The following PLXNA4 variants were observed in gnomAD, a reference collection of about 807,000 sequenced individuals.
PLXNA4 encodes the protein plexin-A4.
PLXNA4 carries 44 observed loss-of-function variants against 191.8 expected under a neutral mutation model. The observed-to-expected ratio is 0.23, with a 90% CI of 0.18 to 0.29. PLXNA4 has a LOEUF of 0.29. Among genes scored for constraint, PLXNA4 ranks in the 10% least tolerant of loss-of-function variants. The pLI, the probability that PLXNA4 is intolerant of heterozygous loss-of-function variation, is 1.00. For missense variants in PLXNA4, 1,800 were observed against 2,488.8 expected (o/e 0.72, Z 5.89); for synonymous variants, 1,082 against 1,009.5 (o/e 1.07, Z -1.36).
chr7:132,282,594 G>A (rs1800519444), intron 4 of PLXNA4, among the ~76,000 whole-genome samples: 1 of 103,032 alleles, frequency 9.7e-6, no homozygotes, highest in Admixed American at 1.5e-4. Context: ...GGGTGATAGA[G>A]CCAGACCTTG....
intron 2 of PLXNA4, among the ~76,000 whole-genome samples, chr7:132,596,343 G>T (rs779938007): frequency 2.0e-5 from 3 of 152,072 alleles, no homozygotes; most frequent in African/African-American, 7.2e-5. Context: ...GATCTTCCAG[G>T]CCTCTCTCTC....
intron 14 of PLXNA4, among the ~76,000 whole-genome samples, chr7:132,190,146 TA>T (rs1562909897): frequency 6.6e-6 from 1 of 152,226 alleles, no homozygotes; most frequent in Non-Finnish European, 1.5e-5. Context: ...CACTAGACCT[TA>T]TGCTGGGAAC....
At chr7:132,226,351 T>G in intron 7 of PLXNA4, 91 bp from the exon 8 acceptor site, 1 of 1,130,770 alleles carries the variant, frequency 8.8e-7, no homozygotes, top group Non-Finnish European at 1.3e-6. Flanking sequence ...AAAGGGAGCC[T>G]GCTCCCCAGG....
chr7:132,333,111 G>A (rs1213877646), intron 3 of PLXNA4, among the ~76,000 whole-genome samples: 1 of 152,204 alleles, frequency 6.6e-6, no homozygotes, highest in East Asian at 1.9e-4. Context: ...GCACTCCAAA[G>A]GACATTCCTG....
intron 1 of PLXNA4, among the ~76,000 whole-genome samples, chr7:132,545,621 A>AT (rs575735991): frequency 2.0e-5 from 3 of 152,166 alleles, no homozygotes; most frequent in South Asian, 2.1e-4. Flanking sequence ...AAATGTGCTC[A>AT]TTTTTTCTCT....
In PLXNA4 at chr7:132,164,397, C is replaced by T; in HGVS notation, c.4354-109G>A. ...TCCATCCCCTGCCAAGTCCCTGCACCTGCCCCCACCTGCTTTTATACTCAG... is the reference window on the plus strand; with the variant it reads ...TCCATCCCCTGCCAAGTCCCTGCACTTGCCCCCACCTGCTTTTATACTCAG... On this transcript the variant is annotated intron_variant, in intron 23 of 31. Transcript: ENST00000321063. 3.4e-6 allele frequency: 5 copies of T among 1,449,588 alleles called. No homozygotes were observed. The South Asian group carries it at 4.1e-5, about 12-fold the overall frequency. The allele number at this position is 1,449,588 out of a possible 1,614,324, so 89.8% of individuals were successfully genotyped here.
intron 24 of PLXNA4, among the ~76,000 whole-genome samples, 186 bp from the exon 25 acceptor site, chr7:132,159,818 A>G (rs1795895194): frequency 6.6e-6 from 1 of 152,158 alleles, no homozygotes. Flanking sequence ...TGTCCAGGCA[A>G]GCAGGACAAT....
At chr7:132,393,067 A>G (rs62466425) in intron 3 of PLXNA4, among the ~76,000 whole-genome samples, 12,222 of 151,684 alleles carry the variant, frequency 0.081, 559 homozygotes, top group African/African-American at 0.12. Context: ...TATTATACCA[A>G]TTGTCAGTTT....
At chr7:132,469,781 A>C (rs560731829) in intron 3 of PLXNA4, among the ~76,000 whole-genome samples, 1 of 152,372 alleles carries the variant, frequency 6.6e-6, no homozygotes, top group East Asian at 1.9e-4. Context: ...GCCTAAAATC[A>C]CATCTTGCTC....
rs560023554 is a variant in PLXNA4, at chr7:132,503,425, G to T, written c.1188+4081C>A. ...AGGTATAGATAACCCTATGCCTGGGGAATTCTGGGATGCCAGGTGCTTGGT... is the reference window on the plus strand; with the variant it reads ...AGGTATAGATAACCCTATGCCTGGGTAATTCTGGGATGCCAGGTGCTTGGT... On this transcript the variant is annotated intron_variant, in intron 2 of 31. Coordinates refer to ENST00000321063, the MANE Select transcript of PLXNA4 (RefSeq NM_020911.2). Among the ~76,000 whole-genome samples, 6 of 152,314 alleles carry T rather than the reference G, an allele frequency of 3.9e-5. No individual in the cohort carries two copies. In the South Asian group the frequency reaches 1.0e-3, roughly 26 times the overall value.
chr7:132,268,057 G>A (rs1283954713), intron 4 of PLXNA4, among the ~76,000 whole-genome samples: 1 of 152,136 alleles, frequency 6.6e-6, no homozygotes, highest in African/African-American at 2.4e-5. Context: ...TAAATACTGG[G>A]GCTTTGTCCC....
chr7:132,320,370 C>T (rs1186696704), intron 3 of PLXNA4, among the ~76,000 whole-genome samples: 1 of 152,164 alleles, frequency 6.6e-6, no homozygotes, highest in Non-Finnish European at 1.5e-5. Context: ...CTTCACATGG[C>T]CCGGGTCTCT....
chr7:132,151,429 G>A (rs1418915118), intron 25 of PLXNA4, among the ~76,000 whole-genome samples: 287 of 17,806 alleles, frequency 0.016, 3 homozygotes, highest in Non-Finnish European at 0.019. Context: ...AGGAGGAGGA[G>A]GAAGGAGGAG....
At chr7:132,287,816 T>G (rs1800740443) in intron 4 of PLXNA4, among the ~76,000 whole-genome samples, 1 of 152,148 alleles carries the variant, frequency 6.6e-6, no homozygotes. Context: ...CCCTAGAGGT[T>G]GCAAAGGGGC....
chr7:132,333,848 C>T (rs549769974), intron 3 of PLXNA4, among the ~76,000 whole-genome samples: 6 of 152,266 alleles, frequency 3.9e-5, no homozygotes, highest in East Asian at 1.9e-4. Context: ...CGCTTTTGAG[C>T]GGGAGGGACT....
intron 3 of PLXNA4, among the ~76,000 whole-genome samples, chr7:132,373,593 G>A (rs1324597940): frequency 6.6e-6 from 1 of 152,206 alleles, no homozygotes; most frequent in East Asian, 1.9e-4. Flanking sequence ...AAGCTGGGGA[G>A]TCTACTGAAG....
chr7:132,337,210 G>A (rs1403201589), intron 3 of PLXNA4, among the ~76,000 whole-genome samples: 3 of 152,242 alleles, frequency 2.0e-5, no homozygotes, highest in Admixed American at 1.3e-4. Flanking sequence ...AGAATGGCAT[G>A]AGCCAAAATA....
intron 4 of PLXNA4, among the ~76,000 whole-genome samples, chr7:132,242,981 G>T (rs1049777306): frequency 1.3e-5 from 2 of 152,220 alleles, no homozygotes; most frequent in East Asian, 1.9e-4. Flanking sequence ...AAAGTACCTG[G>T]ACTCCTAGTA....
intron 3 of PLXNA4, among the ~76,000 whole-genome samples, chr7:132,468,773 T>C (rs1009430924): frequency 3.3e-5 from 5 of 151,960 alleles, no homozygotes; most frequent in African/African-American, 4.8e-5. Flanking sequence ...ACACACAATA[T>C]TTATGCACGA....
Sources: gnomAD v4.1 joint callset for allele counts (sites outside exome capture counted in the v4.1 genomes callset) on GRCh38, gnomAD v4.1.1 for gene constraint, MANE v1.5 for transcripts, NCBI Gene and HGNC (gene_info 2026-07-23, HGNC 2026-07-21) for gene names.